The following PRKCA variants were observed in gnomAD, a reference collection of about 807,000 sequenced individuals.
The protein encoded by PRKCA is protein kinase C alpha, also known as protein kinase C alpha type.
In PRKCA, 27 loss-of-function variants were observed where a neutral mutation model predicts 87.0. That is an observed-to-expected ratio of 0.31 (90% CI 0.23 to 0.43). The LOEUF is 0.43. Among genes scored for constraint, PRKCA ranks in the 20% least tolerant of loss-of-function variants. PRKCA has a pLI of 1.00. For synonymous variants in PRKCA, 329 were observed against 311.1 expected (o/e 1.06, Z -0.61); for missense variants, 518 against 852.3 (o/e 0.61, Z 4.88).
intron 3 of PRKCA, among the ~76,000 whole-genome samples, chr17:66,624,769 CAG>C (rs1021711358): frequency 8.0e-5 from 12 of 150,028 alleles, no homozygotes; most frequent in African/African-American, 2.2e-4. Flanking sequence ...GCCTAGGTGA[CAG>C]AGTGAGACTC....
chr17:66,306,395 T>A (rs1324996932), intron 2 of PRKCA: 1 of 361,202 alleles, frequency 2.8e-6, no homozygotes, highest in African/African-American at 2.1e-5. Flanking sequence ...GAAACTGCTG[T>A]CTTTGTGTGG....
chr17:66,555,341 G>C (rs1968462908), intron 3 of PRKCA, among the ~76,000 whole-genome samples: 1 of 152,176 alleles, frequency 6.6e-6, no homozygotes, highest in Non-Finnish European at 1.5e-5. Flanking sequence ...CAACACACAT[G>C]TGGCTTCTTT....
chr17:66,528,515 G>A (rs1342483588), intron 3 of PRKCA, among the ~76,000 whole-genome samples: 1 of 152,150 alleles, frequency 6.6e-6, no homozygotes, highest in Non-Finnish European at 1.5e-5. Context: ...GGATGCAGAA[G>A]CAGAGTTGGG....
rs574170929 is a variant in PRKCA, at chr17:66,731,937, G to A, written c.919-751G>A. On this transcript the variant is annotated intron_variant, in intron 8 of 16. Transcript: ENST00000413366. ...CCCACGTAGCTGGGATTACAGGCACGCACCACCATGCCCAGCTGATTTTTG... is the reference window on the plus strand; with the variant it reads ...CCCACGTAGCTGGGATTACAGGCACACACCACCATGCCCAGCTGATTTTTG... 3.4e-3 allele frequency among the ~76,000 whole-genome samples: 512 copies of A among 150,336 alleles called. 2 individuals are homozygous for A. Among genetic ancestry groups the A allele is most frequent in the African/African-American group, 0.011 (471 of 40,968 alleles).
intron 2 of PRKCA, among the ~76,000 whole-genome samples, chr17:66,481,301 T>C (rs1915764730): frequency 6.6e-6 from 1 of 152,174 alleles, no homozygotes; most frequent in African/African-American, 2.4e-5. Flanking sequence ...ATCTGGGATG[T>C]AGCTATTGCT....
At chr17:66,552,667 C>T (rs1968375774) in intron 3 of PRKCA, among the ~76,000 whole-genome samples, 2 of 152,200 alleles carry the variant, frequency 1.3e-5, no homozygotes, top group South Asian at 4.1e-4. Flanking sequence ...GAACTACCAG[C>T]AAGATCGCAG....
At chr17:66,401,821 T>G (rs1306543494) in intron 2 of PRKCA, among the ~76,000 whole-genome samples, 1 of 152,172 alleles carries the variant, frequency 6.6e-6, no homozygotes, top group Non-Finnish European at 1.5e-5. Flanking sequence ...AATATAAGAA[T>G]AGACACTGAG....
intron 3 of PRKCA, among the ~76,000 whole-genome samples, chr17:66,593,267 ATGTGG>A (rs1969870158): frequency 2.6e-5 from 4 of 152,158 alleles, no homozygotes; most frequent in African/African-American, 4.8e-5. Flanking sequence ...GCATGGCTCC[ATGTGG>A]TCATTCAGGG....
chr17:66,369,092 G>T (rs1472181456), intron 2 of PRKCA, among the ~76,000 whole-genome samples: 5 of 152,200 alleles, frequency 3.3e-5, no homozygotes, highest in African/African-American at 1.2e-4. Flanking sequence ...TTAGGCCAGA[G>T]CTGTGTGTTA....
At chr17:66,722,414 T>C (rs1432687322) in intron 8 of PRKCA, among the ~76,000 whole-genome samples, 1 of 152,232 alleles carries the variant, frequency 6.6e-6, no homozygotes, top group African/African-American at 2.4e-5. Flanking sequence ...AATAGGGAGC[T>C]GAATGTGGAG....
chr17:66,801,100 C>A (rs1208587645), intron 16 of PRKCA, among the ~76,000 whole-genome samples: 1 of 152,242 alleles, frequency 6.6e-6, no homozygotes, highest in South Asian at 2.1e-4. Context: ...TGCCTTGTGA[C>A]TTCTGCCGCT....
chr17:66,428,946 A>G (rs1912959280), intron 2 of PRKCA, among the ~76,000 whole-genome samples: 1 of 152,226 alleles, frequency 6.6e-6, no homozygotes. Context: ...GACGTTTAAG[A>G]GCCATTAATG....
At chr17:66,385,067 C>T (rs1324364134) in intron 2 of PRKCA, among the ~76,000 whole-genome samples, 1 of 152,168 alleles carries the variant, frequency 6.6e-6, no homozygotes, top group Non-Finnish European at 1.5e-5. Flanking sequence ...TTTTGCTTTA[C>T]CCAGGATTAG....
chr17:66,459,906 T>C (rs1243356456), intron 2 of PRKCA, among the ~76,000 whole-genome samples: 1 of 152,158 alleles, frequency 6.6e-6, no homozygotes, highest in African/African-American at 2.4e-5. Context: ...GGTTACATGG[T>C]ACATGTGCAG....
At position 66,803,724 on chromosome 17, in the gene PRKCA, C is replaced by A. The variant is rs1975955612; in HGVS notation, c.1855-149C>A. On this transcript the variant is annotated intron_variant, in intron 16 of 16. Coordinates refer to ENST00000413366, the MANE Select transcript of PRKCA (RefSeq NM_002737.3). The surrounding 1 kb of genome is among the most constrained non-coding windows in gnomAD (Gnocchi z 4.4). ...GTCTGCTGTGCCTGGCTTTTCAATC[C>A]AATAGGCCTGCAAGTCCTCCGAGAT... The A allele has an allele frequency of 1.9e-6, 2 of 1,063,402 alleles. No individual in the cohort carries two copies. The highest frequency in any genetic ancestry group is 1.6e-5 in the South Asian group (1 of 60,678). The allele number at this position is 1,063,402 out of a possible 1,614,324, so 65.9% of individuals were successfully genotyped here.
At chr17:66,309,063 C>T (rs1904965025) in intron 2 of PRKCA, among the ~76,000 whole-genome samples, 1 of 152,138 alleles carries the variant, frequency 6.6e-6, no homozygotes, top group Non-Finnish European at 1.5e-5. Flanking sequence ...TGCTTTCTGT[C>T]CACTAGTATG....
intron 2 of PRKCA, among the ~76,000 whole-genome samples, chr17:66,320,105 A>G (rs910247311): frequency 2.0e-5 from 3 of 152,184 alleles, no homozygotes; most frequent in Admixed American, 6.5e-5. Flanking sequence ...TCCTGTTGTC[A>G]TAGGGTCAGG....
intron 2 of PRKCA, among the ~76,000 whole-genome samples, chr17:66,340,306 C>T (rs1906963853): frequency 6.6e-6 from 1 of 151,174 alleles, no homozygotes; most frequent in South Asian, 2.1e-4. Context: ...GGGTGGACGA[C>T]TTAGCCCTCC....
intron 13 of PRKCA, among the ~76,000 whole-genome samples, chr17:66,753,361 A>T (rs1056313943): frequency 3.9e-5 from 6 of 152,080 alleles, no homozygotes; most frequent in Non-Finnish European, 7.4e-5. Context: ...TGGCGTATGC[A>T]CTCCTGTGGC....
Sources: gnomAD v4.1 joint callset for allele counts (sites outside exome capture counted in the v4.1 genomes callset) on GRCh38, gnomAD v4.1.1 for gene constraint, Gnocchi (gnomAD v3.1) non-coding constraint, MANE v1.5 for transcripts, NCBI Gene and HGNC (gene_info 2026-07-23, HGNC 2026-07-21) for gene names.